JDP2: variants seen among roughly 807,000 people sequenced by gnomAD.
JDP2 encodes the protein Jun dimerization protein 2, also known as progesterone receptor co-activator.
JDP2 carries 9 observed loss-of-function variants against 17.1 expected under a neutral mutation model. That is an observed-to-expected ratio of 0.53 (90% confidence interval 0.32 to 0.92). The LOEUF (loss-of-function observed/expected upper bound fraction) is 0.92, where lower values mean the gene tolerates loss of function less well. JDP2 is among the 40% of genes least tolerant of loss of function. The probability of loss-of-function intolerance (pLI) is 0.04; values close to 1 mark genes in which losing one functional copy is unlikely to be tolerated. For synonymous variants in JDP2, 107 were observed against 95.6 expected, an observed-to-expected ratio of 1.12 and a Z score of -0.69; for missense variants, 179 against 220.0, an observed-to-expected ratio of 0.81 and a Z score of 1.18.
At position 75,438,141 on chromosome 14, in the gene JDP2, C is replaced by T; in HGVS notation, c.201+20C>T. 6.4e-7 allele frequency: 1 copy of T among 1,570,598 alleles called. No homozygotes were observed. The highest frequency in any genetic ancestry group is 8.7e-7 in the Non-Finnish European group (1 of 1,152,874). On this transcript the variant is annotated intron_variant, in intron 2 of 3. Coordinates refer to ENST00000651602, the MANE Select transcript of JDP2 (RefSeq NM_001135048.2). ...AGTGAGGTGAGCGAGCCTTTTACCC[C>T]TGGCAGATTCCAGGTCTGGCCTTAA...
rs1884742718 is a variant in JDP2, at chr14:75,430,387, C to T, written c.-24+2135C>T. ...TGAGGGCAAGCTACATTCTTTTCTG[C>T]CTTTCTGCTGCAGGATGCAGTTTGC... is the stretch of plus-strand genomic sequence containing the variant. On this transcript the variant is annotated intron_variant, in intron 1 of 3. Coordinates refer to ENST00000651602, the MANE Select transcript of JDP2 (RefSeq NM_001135048.2). This position sits in a 1 kb window ranked among gnomAD's most constrained non-coding sequence, Gnocchi z 4.5. Among the ~76,000 whole-genome samples the T allele has an allele frequency of 6.6e-6, 1 of 152,192 alleles. No homozygotes were observed. The highest frequency in any genetic ancestry group is 6.5e-5 in the Admixed American group (1 of 15,276).
At chr14:75,461,896 A>G (rs541138495) in intron 3 of JDP2, among the ~76,000 whole-genome samples, 10 of 152,324 alleles carry the variant, frequency 6.6e-5, no homozygotes, top group African/African-American at 1.9e-4. Flanking sequence ...GTGGGTGCCA[A>G]TGAAGCTAGG....
intron 3 of JDP2, 61 bp from the exon 4 acceptor site, chr14:75,469,229 G>A: frequency 6.5e-7 from 1 of 1,530,024 alleles, no homozygotes; most frequent in Admixed American, 1.8e-5. Context: ...ACCACAGGCA[G>A]AGCCTCTCCC....
At chr14:75,445,534 A>C in intron 2 of JDP2, 6 of 985,364 alleles carry the variant, frequency 6.1e-6, no homozygotes, top group Non-Finnish European at 4.8e-6. Context: ...CAATGTAGCA[A>C]AGCAGGACTG....
chr14:75,464,500 A>AAT (rs1422446788), intron 3 of JDP2, among the ~76,000 whole-genome samples: 1 of 152,208 alleles, frequency 6.6e-6, no homozygotes, highest in Admixed American at 6.5e-5. Flanking sequence ...AGTAACCTAG[A>AAT]GATGATTTAA....
At chr14:75,429,430 T>C (rs1884685782) in intron 1 of JDP2, among the ~76,000 whole-genome samples, 1 of 152,096 alleles carries the variant, frequency 6.6e-6, no homozygotes, top group Non-Finnish European at 1.5e-5. Flanking sequence ...TGGAGGAGCA[T>C]CAGGAATTGG....
chr14:75,454,796 G>T (rs1886028389), intron 2 of JDP2, among the ~76,000 whole-genome samples: 2 of 152,026 alleles, frequency 1.3e-5, no homozygotes, highest in Admixed American at 1.3e-4. Flanking sequence ...GAGGAAGAAG[G>T]CCCATTGTTG....
intron 2 of JDP2, among the ~76,000 whole-genome samples, chr14:75,453,817 C>CAATCTAG (rs564518722): frequency 0.011 from 1,677 of 152,342 alleles, 12 homozygotes; most frequent in South Asian, 0.029. Context: ...GTTCTGTCTG[C>CAATCTAG]CCAGGCAACA....
At chr14:75,465,466 G>C (rs1886531252) in intron 3 of JDP2, among the ~76,000 whole-genome samples, 1 of 152,018 alleles carries the variant, frequency 6.6e-6, no homozygotes, top group African/African-American at 2.4e-5. Context: ...TGAGTAGCTG[G>C]GACTACAAGC....
chr14:75,432,216 C>A, intron 1 of JDP2: 1 of 1,103,164 alleles, frequency 9.1e-7, no homozygotes, highest in Non-Finnish European at 1.3e-6. Flanking sequence ...TCTGGATCTC[C>A]TCGACTTTTG....
intron 3 of JDP2, among the ~76,000 whole-genome samples, chr14:75,464,910 C>T (rs1886507348): frequency 6.6e-6 from 1 of 152,226 alleles, no homozygotes; most frequent in Non-Finnish European, 1.5e-5. Flanking sequence ...TGTCTCTCTG[C>T]TGTCCTAACC....
intron 3 of JDP2, among the ~76,000 whole-genome samples, chr14:75,466,164 G>T (rs1401858083): frequency 6.6e-6 from 1 of 152,220 alleles, no homozygotes; most frequent in East Asian, 1.9e-4. Flanking sequence ...ATTCTGGCTG[G>T]GCGCGGTGGC....
At chr14:75,436,919 C>T (rs1054129306) in intron 1 of JDP2, among the ~76,000 whole-genome samples, 4 of 152,166 alleles carry the variant, frequency 2.6e-5, no homozygotes, top group African/African-American at 7.2e-5. Flanking sequence ...GGTAGCCGGG[C>T]GCAGTGGCTC....
chr14:75,436,331 C>T (rs1156505003), intron 1 of JDP2, among the ~76,000 whole-genome samples: 1 of 152,146 alleles, frequency 6.6e-6, no homozygotes, highest in Non-Finnish European at 1.5e-5. Flanking sequence ...CATTAACTGC[C>T]CAACGGAGAA....
intron 2 of JDP2, chr14:75,445,446 T>A: frequency 2.0e-6 from 2 of 985,342 alleles, no homozygotes; most frequent in East Asian, 1.1e-4. Context: ...AACTCCTCCG[T>A]GGTTTGCCTC....
intron 2 of JDP2, among the ~76,000 whole-genome samples, chr14:75,448,403 T>A (rs1279754585): frequency 6.6e-6 from 1 of 152,160 alleles, no homozygotes; most frequent in Non-Finnish European, 1.5e-5. Flanking sequence ...ATTCTGATGC[T>A]CTCTGCACAT....
rs1760016807 is a variant in JDP2 at position 75,471,233 on chromosome 14, C to A, written c.*1758C>A. On this transcript the variant is annotated 3_prime_UTR_variant, in exon 4 of 4. Coordinates refer to ENST00000651602, the MANE Select transcript of JDP2 (RefSeq NM_001135048.2). ...ACTACCCTGGTCAATGTGTGTCTGA[C>A]CCAGGGAAGGGTGTGGATGGCTTCT... 1 of 152,224 alleles carries A rather than the reference C, an allele frequency of 6.6e-6. No homozygotes were observed. Among genetic ancestry groups the A allele is most frequent in the South Asian group, 2.1e-4 (1 of 4,826 alleles). 9.4% of individuals were successfully genotyped at this position (152,224 alleles called of 1,614,324 possible).
Position 75,437,955 on chromosome 14 carries a change from C to T in JDP2, c.35C>T (p.Thr12Ile). The T allele has an allele frequency of 6.2e-7, 1 of 1,613,102 alleles. No individual in the cohort carries two copies. Among genetic ancestry groups the T allele is most frequent in the Non-Finnish European group, 8.5e-7 (1 of 1,179,680 alleles). ...GGGCAGATCCCGGACCCTTCGGTGACCACAGGCTCCCTGCCAGGGCTTGGC... is the reference window on the plus strand; with the variant it reads ...GGGCAGATCCCGGACCCTTCGGTGATCACAGGCTCCCTGCCAGGGCTTGGC... Reference protein sequence around the residue: ...MPGQIPDPSVTTGSLPGLGPL... With the variant: ...MPGQIPDPSVITGSLPGLGPL... Residue 12 changes from threonine (T) to isoleucine (I), a missense_variant, in exon 2 of 4, where the codon ACC becomes ATC. By Grantham distance (89) the Thr-to-Ile change is moderately conservative. Coordinates refer to ENST00000651602, the MANE Select transcript of JDP2 (RefSeq NM_001135048.2).
At chr14:75,462,164 A>G (rs1217930339) in intron 3 of JDP2, among the ~76,000 whole-genome samples, 1 of 152,182 alleles carries the variant, frequency 6.6e-6, no homozygotes. Flanking sequence ...GAATGTGCCA[A>G]GCAGGATGTT....
Sources: gnomAD v4.1 joint callset for allele counts (sites outside exome capture counted in the v4.1 genomes callset) on GRCh38, gnomAD v4.1.1 for gene constraint, Gnocchi (gnomAD v3.1) non-coding constraint, MANE v1.5 for transcripts, NCBI Gene and HGNC (gene_info 2026-07-23, HGNC 2026-07-21) for gene names.